Variants in MYO1D observed in about 807,000 individuals in gnomAD.
MYO1D encodes myosin ID.
MYO1D carries 83 observed loss-of-function variants against 122.0 expected under a neutral mutation model. The ratio of observed to expected loss-of-function variants is 0.68; its 90% CI spans 0.57 to 0.82. The LOEUF (loss-of-function observed/expected upper bound fraction) is 0.82, where lower values mean the gene tolerates loss of function less well. MYO1D is among the 40% of genes least tolerant of loss of function. The probability of loss-of-function intolerance (pLI) is 0.00; values close to 1 mark genes in which losing one functional copy is unlikely to be tolerated. For missense variants in MYO1D, 1,157 were observed against 1,269.5 expected (o/e 0.91, Z 1.35); for synonymous variants, 464 against 446.9 (o/e 1.04, Z -0.48).
At chr17:32,502,980 G>A (rs1263512190) in intron 21 of MYO1D, among the ~76,000 whole-genome samples, 2 of 152,176 alleles carry the variant, frequency 1.3e-5, no homozygotes, top group Non-Finnish European at 2.9e-5. Context: ...AGCAAACTGT[G>A]GAATTCGGGG....
intron 20 of MYO1D, among the ~76,000 whole-genome samples, chr17:32,607,890 AG>A (rs1445297391): frequency 1.3e-5 from 2 of 152,224 alleles, no homozygotes; most frequent in Non-Finnish European, 2.9e-5. Flanking sequence ...CAATGAAGAA[AG>A]GATAATGTGG....
At chr17:32,665,687 A>G (rs1298938984) in intron 16 of MYO1D, among the ~76,000 whole-genome samples, 1 of 152,098 alleles carries the variant, frequency 6.6e-6, no homozygotes, top group Non-Finnish European at 1.5e-5. Flanking sequence ...TGTTTGTCTT[A>G]GTCTTGGCCT....
chr17:32,571,675 T>C (rs2087229422), intron 21 of MYO1D, among the ~76,000 whole-genome samples: 1 of 152,324 alleles, frequency 6.6e-6, no homozygotes, highest in East Asian at 1.9e-4. Flanking sequence ...TTCTTGGTGG[T>C]ATATTGAAGA....
chr17:32,719,136 G>C (rs2089479862), intron 15 of MYO1D, among the ~76,000 whole-genome samples: 2 of 152,112 alleles, frequency 1.3e-5, no homozygotes, highest in Non-Finnish European at 2.9e-5. Flanking sequence ...TGCTTACCTA[G>C]ATGCTCAAGC....
At chr17:32,827,983 A>G (rs186259884) in intron 1 of MYO1D, among the ~76,000 whole-genome samples, 67 of 152,348 alleles carry the variant, frequency 4.4e-4, no homozygotes, top group African/African-American at 1.5e-3. Context: ...TCAGAACCAC[A>G]CCAATGGCAA....
intron 16 of MYO1D, among the ~76,000 whole-genome samples, chr17:32,678,578 G>C (rs1240897368): frequency 1.3e-5 from 2 of 151,496 alleles, no homozygotes; most frequent in Non-Finnish European, 2.9e-5. Context: ...TCCCTACAAA[G>C]GGCATGAACT....
At chr17:32,817,010 C>G (rs2090618490) in intron 1 of MYO1D, among the ~76,000 whole-genome samples, 1 of 151,906 alleles carries the variant, frequency 6.6e-6, no homozygotes, top group African/African-American at 2.4e-5. Flanking sequence ...CTACTTGTAC[C>G]TCAAATTTCT....
intron 19 of MYO1D, among the ~76,000 whole-genome samples, chr17:32,643,739 T>C (rs1441344895): frequency 1.3e-5 from 2 of 152,184 alleles, no homozygotes; most frequent in Non-Finnish European, 1.5e-5. Context: ...TGATGGTAGT[T>C]TGTATTTCTG....
At chr17:32,785,650 T>A (rs2090285738) in intron 1 of MYO1D, among the ~76,000 whole-genome samples, 1 of 152,212 alleles carries the variant, frequency 6.6e-6, no homozygotes, top group Admixed American at 6.5e-5. Flanking sequence ...ATGCTCATCT[T>A]ACTTAATTTC....
At chr17:32,531,724 CGGA>C (rs3840871) in intron 21 of MYO1D, among the ~76,000 whole-genome samples, 5,793 of 152,182 alleles carry the variant, frequency 0.038, 222 homozygotes, top group African/African-American at 0.11. Context: ...TGATGGATAG[CGGA>C]GAAGCATTCA....
chr17:32,773,490 A>G (rs1166156166), intron 4 of MYO1D, among the ~76,000 whole-genome samples: 1 of 143,882 alleles, frequency 7.0e-6, no homozygotes, highest in Non-Finnish European at 1.5e-5. Context: ...GGCAAGCACC[A>G]CTTTCCTGGG....
At chr17:32,748,820 T>C in intron 12 of MYO1D, 116 bp downstream of exon 12, 4 of 944,750 alleles carry the variant, frequency 4.2e-6, no homozygotes, top group Non-Finnish European at 5.0e-6. Context: ...TATATTGACA[T>C]ATCAAATGAC....
intron 10 of MYO1D, among the ~76,000 whole-genome samples, chr17:32,756,775 G>A (rs1169251003): frequency 6.6e-6 from 1 of 152,070 alleles, no homozygotes; most frequent in Non-Finnish European, 1.5e-5. Context: ...ATCTATAAAA[G>A]ATAAGAAAAA....
At chr17:32,660,108 A>G (rs962750544) in intron 16 of MYO1D, among the ~76,000 whole-genome samples, 1 of 151,926 alleles carries the variant, frequency 6.6e-6, no homozygotes, top group Non-Finnish European at 1.5e-5. Flanking sequence ...CCTCTCCACC[A>G]CCACTTTACT....
intron 21 of MYO1D, among the ~76,000 whole-genome samples, chr17:32,569,064 C>T (rs909994753): frequency 3.3e-5 from 5 of 152,158 alleles, no homozygotes; most frequent in Non-Finnish European, 5.9e-5. Context: ...ATAAATAAAT[C>T]CCACGACTAG....
At chr17:32,659,514 G>A (rs951268773) in intron 16 of MYO1D, 176 bp from the exon 17 acceptor site, 2 of 619,226 alleles carry the variant, frequency 3.2e-6, no homozygotes, top group Non-Finnish European at 2.8e-6. Context: ...ATGGCGTGGG[G>A]AGTCACATCA....
At chr17:32,604,725 A>G (rs1407061822) in intron 21 of MYO1D, among the ~76,000 whole-genome samples, 1 of 152,222 alleles carries the variant, frequency 6.6e-6, no homozygotes, top group Non-Finnish European at 1.5e-5. Flanking sequence ...TTATGGTCAT[A>G]GTGGACACAC....
intron 8 of MYO1D, among the ~76,000 whole-genome samples, chr17:32,762,617 T>C (rs539895030): frequency 9.2e-5 from 14 of 152,296 alleles, no homozygotes; most frequent in African/African-American, 3.1e-4. Flanking sequence ...CTCATGCCTG[T>C]AATCCCAACA....
chr17:32,599,065 G>A (rs1299222263), intron 21 of MYO1D, among the ~76,000 whole-genome samples: 1 of 152,140 alleles, frequency 6.6e-6, no homozygotes, highest in East Asian at 1.9e-4. Flanking sequence ...CATGAAGTTT[G>A]CCACATTCAT....
Sources: allele counts gnomAD v4.1 joint callset (sites outside exome capture counted in the v4.1 genomes callset), GRCh38; gene constraint gnomAD v4.1.1; transcripts MANE v1.5; gene names NCBI Gene and HGNC (gene_info 2026-07-23, HGNC 2026-07-21).